SEMA3A: variants seen among roughly 807,000 people sequenced by gnomAD.
SEMA3A encodes the protein semaphorin-3A.
SEMA3A carries 29 observed loss-of-function variants against 97.9 expected under a neutral mutation model. That is an observed-to-expected ratio of 0.30 (90% CI 0.22 to 0.40). SEMA3A has a LOEUF of 0.40. Ranked by LOEUF, SEMA3A falls within the 10% of genes least tolerant of loss-of-function variation. The pLI, the probability that SEMA3A is intolerant of heterozygous loss-of-function variation, is 1.00. For synonymous variants in SEMA3A, 321 were observed against 323.7 expected (o/e 0.99, Z 0.09); for missense variants, 763 against 951.3 (o/e 0.80, Z 2.60).
intron 3 of SEMA3A, 103 bp from the exon 4 acceptor site, chr7:84,110,692 TC>T: frequency 3.1e-6 from 4 of 1,309,684 alleles, no homozygotes; most frequent in East Asian, 2.4e-5. Flanking sequence ...TTGTTTTCTT[TC>T]TTTTTTTTTT....
intron 1 of SEMA3A, among the ~76,000 whole-genome samples, chr7:84,453,488 G>A (rs151279694): frequency 0.068 from 10,281 of 151,914 alleles, 390 homozygotes; most frequent in East Asian, 0.12. Flanking sequence ...CGCCCACCTC[G>A]TCCTCCCAAA....
chr7:84,174,190 C>A (rs1797488813), intron 1 of SEMA3A, among the ~76,000 whole-genome samples: 1 of 151,926 alleles, frequency 6.6e-6, no homozygotes, highest in Admixed American at 6.6e-5. Context: ...GTATTTGAAT[C>A]ATCCCAAAAC....
chr7:84,412,808 C>T (rs1804306366), intron 1 of SEMA3A, among the ~76,000 whole-genome samples: 1 of 152,140 alleles, frequency 6.6e-6, no homozygotes, highest in African/African-American at 2.4e-5. Context: ...GGTTGAGTCA[C>T]TGCAACGACA....
chr7:84,308,459 G>C (rs1352535458), intron 2 of SEMA3A, among the ~76,000 whole-genome samples: 3 of 152,182 alleles, frequency 2.0e-5, no homozygotes, highest in Non-Finnish European at 4.4e-5. Context: ...TGATTAGATG[G>C]AAAACAAGTT....
intron 1 of SEMA3A, among the ~76,000 whole-genome samples, chr7:84,154,835 G>GA (rs1293756925): frequency 6.6e-6 from 1 of 151,146 alleles, no homozygotes; most frequent in South Asian, 2.1e-4. Context: ...GCCTAGAATT[G>GA]AAAAAAAATA....
At chr7:84,480,205 T>C (rs1339859532) in intron 1 of SEMA3A, among the ~76,000 whole-genome samples, 1 of 152,162 alleles carries the variant, frequency 6.6e-6, no homozygotes. Context: ...GGTTTTTTGT[T>C]TGCTTGTTTG....
intron 1 of SEMA3A, among the ~76,000 whole-genome samples, chr7:84,159,370 A>T (rs534045075): frequency 7.0e-4 from 106 of 151,936 alleles, no homozygotes; most frequent in African/African-American, 2.3e-3. Context: ...ACAGCAATTT[A>T]AAAAAAAATC....
At chr7:84,148,811 A>G (rs1269712829) in intron 1 of SEMA3A, among the ~76,000 whole-genome samples, 5 of 152,156 alleles carry the variant, frequency 3.3e-5, no homozygotes, top group Non-Finnish European at 7.4e-5. Flanking sequence ...ATCCACTTCC[A>G]CTTGAAGAGT....
chr7:84,245,105 G>A (rs543124317), intron 3 of SEMA3A, among the ~76,000 whole-genome samples: 8 of 152,092 alleles, frequency 5.3e-5, no homozygotes, highest in South Asian at 2.1e-4. Context: ...TGTGGTGCTC[G>A]CTGTATTTCT....
In SEMA3A at chr7:83,971,424, C is replaced by A. The variant is rs1197579358; in HGVS notation, c.1717+5708G>T. 4.2e-5 allele frequency among the ~76,000 whole-genome samples: 5 copies of A among 119,514 alleles called. No homozygotes were observed. In the Admixed American group the frequency reaches 4.6e-4, roughly 11 times the overall value. The allele number at this position is 119,514 out of a possible 152,430, so 78.4% of individuals were successfully genotyped here. A position where few individuals can be genotyped will look rare whatever the true frequency, so the allele number is the denominator to read the frequency against. On this transcript the variant is annotated intron_variant, in intron 15 of 16. Transcript: ENST00000265362. ...TCCAGCTTGGGCAATAAGAGCGAAA[C>A]TCCATCAAAAAAAAAAAAAAAACCT...
intron 5 of SEMA3A, among the ~76,000 whole-genome samples, chr7:84,055,226 C>G (rs1277540817): frequency 2.0e-5 from 3 of 152,212 alleles, no homozygotes; most frequent in African/African-American, 7.2e-5. Flanking sequence ...CTGTGGTGGG[C>G]TCCACCCAGT....
At chr7:84,328,648 A>T (rs775191616) in intron 2 of SEMA3A, among the ~76,000 whole-genome samples, 2 of 152,010 alleles carry the variant, frequency 1.3e-5, no homozygotes, top group Non-Finnish European at 1.5e-5. Context: ...ACAGAATGAA[A>T]ATGTCTTTTA....
intron 2 of SEMA3A, among the ~76,000 whole-genome samples, chr7:84,315,523 G>A (rs1242005219): frequency 6.6e-6 from 1 of 151,960 alleles, no homozygotes; most frequent in African/African-American, 2.4e-5. Flanking sequence ...ACTTCAAATA[G>A]TTTATCTCTT....
intron 1 of SEMA3A, among the ~76,000 whole-genome samples, chr7:84,458,119 A>T (rs1321055386): frequency 6.6e-6 from 1 of 152,044 alleles, no homozygotes; most frequent in East Asian, 1.9e-4. Context: ...GACATAATTC[A>T]AATTTTATGA....
chr7:84,121,172 G>T (rs1173438279), intron 3 of SEMA3A, among the ~76,000 whole-genome samples: 1 of 152,088 alleles, frequency 6.6e-6, no homozygotes, highest in South Asian at 2.1e-4. Context: ...AAACACTATC[G>T]TAACTGTATA....
At chr7:84,203,546 T>TTTTC (rs1554345526) in intron 3 of SEMA3A, among the ~76,000 whole-genome samples, 8 of 131,512 alleles carry the variant, frequency 6.1e-5, no homozygotes, top group African/African-American at 2.3e-4. Context: ...TTTTTTTTTT[T>TTTTC]CTGAGATAGA....
At chr7:84,473,360 C>G (rs963363344) in intron 1 of SEMA3A, among the ~76,000 whole-genome samples, 2 of 148,642 alleles carry the variant, frequency 1.3e-5, no homozygotes, top group East Asian at 3.9e-4. Flanking sequence ...ATCTTATATA[C>G]TTTATATTTT....
chr7:84,262,582 C>T (rs1048059544), intron 3 of SEMA3A, among the ~76,000 whole-genome samples: 4 of 152,170 alleles, frequency 2.6e-5, no homozygotes, highest in Admixed American at 2.6e-4. Flanking sequence ...GAGATGGAAA[C>T]TCTTTTGCCT....
rs1583878197 is a variant in SEMA3A at position 84,052,321 on chromosome 7, G to T, written c.548-5878C>A. On this transcript the variant is annotated intron_variant, in intron 5 of 16. Transcript: ENST00000265362. ...CTCCTTGTACCTCTGGTACAATTCG[G>T]CTGTGAATCCATCTAGTCCTGCACT... Among the ~76,000 whole-genome samples, 5 of 152,240 alleles carry T rather than the reference G, an allele frequency of 3.3e-5. 1 individual carries two copies. Among genetic ancestry groups the T allele is most frequent in the Admixed American group, 3.3e-4 (5 of 15,288 alleles).
Sources: gnomAD v4.1 joint callset for allele counts (sites outside exome capture counted in the v4.1 genomes callset) on GRCh38, gnomAD v4.1.1 for gene constraint, MANE v1.5 for transcripts, NCBI Gene and HGNC (gene_info 2026-07-23, HGNC 2026-07-21) for gene names.